ZCWPW2: variants seen among roughly 807,000 people sequenced by gnomAD.
ZCWPW2 encodes zinc finger CW-type PWWP domain protein 2.
Under a neutral mutation model 46.6 loss-of-function variants are expected in ZCWPW2, and 45 were observed. The observed-to-expected ratio is 0.96, with a 90% confidence interval of 0.76 to 1.24. The LOEUF is 1.24. ZCWPW2 is among the 50% of genes most tolerant of loss of function. ZCWPW2 has a pLI of 0.00. For synonymous variants in ZCWPW2, 152 were observed against 137.1 expected (o/e 1.11, Z -0.76); for missense variants, 429 against 403.9 (o/e 1.06, Z -0.53).
chr3:28,516,028 G>A (rs1700557673), intron 8 of ZCWPW2, among the ~76,000 whole-genome samples: 1 of 151,758 alleles, frequency 6.6e-6, no homozygotes, highest in Non-Finnish European at 1.5e-5. Context: ...ATGACTTGAG[G>A]TCAGGAGTTC....
intron 4 of ZCWPW2, chr3:28,461,032 TG>T (rs1027097725): frequency 2.8e-5 from 7 of 254,182 alleles, no homozygotes; most frequent in Non-Finnish European, 5.4e-5. Flanking sequence ...TTTAAAGTAA[TG>T]ATCAATATTT....
rs552280804 is a variant in ZCWPW2 at position 28,472,489 on chromosome 3, A to G, written c.493-6325A>G. On this transcript the variant is annotated intron_variant, in intron 4 of 9. Coordinates refer to ENST00000383768, the MANE Select transcript of ZCWPW2 (RefSeq NM_001040432.4). ...TACATTAGGAAAAGGACAGTCTACA[A>G]TAAATGTTGCTGAGAAAACTGGATA... Among the ~76,000 whole-genome samples, 7 of 152,310 alleles carry G rather than the reference A, an allele frequency of 4.6e-5. No homozygotes were observed. The South Asian group carries it at 1.4e-3, about 32-fold the overall frequency.
intron 6 of ZCWPW2, among the ~76,000 whole-genome samples, chr3:28,507,461 G>T (rs965729928): frequency 1.3e-5 from 2 of 151,358 alleles, no homozygotes; most frequent in Admixed American, 6.6e-5. Flanking sequence ...CTTTGGAGAT[G>T]GTGGTCAGTG....
At chr3:28,467,167 T>G (rs541858145) in intron 4 of ZCWPW2, among the ~76,000 whole-genome samples, 1 of 152,262 alleles carries the variant, frequency 6.6e-6, no homozygotes, top group African/African-American at 2.4e-5. Context: ...AAAAGTTGTA[T>G]TGTTTAATAA....
chr3:28,481,900 C>T lies in ZCWPW2; in HGVS notation c.610+2969C>T, dbSNP rs62250299. ...AGTACAGAGAGTTCCCATATATCTCCTCCTCACAATCCCTAAACACACAAC... is the reference window on the plus strand; with the variant it reads ...AGTACAGAGAGTTCCCATATATCTCTTCCTCACAATCCCTAAACACACAAC... On this transcript the variant is annotated intron_variant, in intron 5 of 9. Coordinates refer to ENST00000383768, the MANE Select transcript of ZCWPW2 (RefSeq NM_001040432.4). Among the ~76,000 whole-genome samples, 593 of 152,212 alleles carry T rather than the reference C, an allele frequency of 3.9e-3. 4 individuals are homozygous for T. The highest frequency in any genetic ancestry group is 6.9e-3 in the Non-Finnish European group (467 of 68,010).
At chr3:28,475,767 C>T (rs1446656740) in intron 4 of ZCWPW2, among the ~76,000 whole-genome samples, 1 of 152,102 alleles carries the variant, frequency 6.6e-6, no homozygotes, top group African/African-American at 2.4e-5. Flanking sequence ...TGGCTAACTT[C>T]CTGCCCTCCT....
At chr3:28,469,735 G>A (rs1321573259) in intron 4 of ZCWPW2, among the ~76,000 whole-genome samples, 1 of 150,712 alleles carries the variant, frequency 6.6e-6, no homozygotes, top group Non-Finnish European at 1.5e-5. Context: ...ATATATATAT[G>A]TATATATATA....
intron 2 of ZCWPW2, among the ~76,000 whole-genome samples, chr3:28,403,290 CT>C (rs1177319873): frequency 1.3e-5 from 2 of 152,110 alleles, no homozygotes; most frequent in East Asian, 3.9e-4. Flanking sequence ...AACTCAACCC[CT>C]TTCACAATAG....
intron 4 of ZCWPW2, 76 bp from the exon 5 acceptor site, chr3:28,478,738 C>T: frequency 1.5e-6 from 1 of 647,172 alleles, no homozygotes. Context: ...GATTTTGTTC[C>T]AGCTTAATAA....
At chr3:28,428,591 T>C (rs1217168866) in intron 3 of ZCWPW2, 1 of 152,236 alleles carries the variant, frequency 6.6e-6, no homozygotes, top group Non-Finnish European at 1.5e-5. Context: ...ATTGTTCTGT[T>C]AATTATGATC....
At chr3:28,351,399 C>T (rs188064247) in intron 1 of ZCWPW2, among the ~76,000 whole-genome samples, 51 of 151,582 alleles carry the variant, frequency 3.4e-4, no homozygotes, top group African/African-American at 1.0e-3. Context: ...CCCTTTTTCA[C>T]TGAATTAGCT....
chr3:28,483,888 C>T (rs1224057899), intron 5 of ZCWPW2, among the ~76,000 whole-genome samples: 1 of 151,994 alleles, frequency 6.6e-6, no homozygotes, highest in Non-Finnish European at 1.5e-5. Flanking sequence ...TTGGTCTATT[C>T]TTTTGGATTT....
chr3:28,485,430 C>G (rs531852197), intron 5 of ZCWPW2, among the ~76,000 whole-genome samples: 6 of 152,172 alleles, frequency 3.9e-5, no homozygotes, highest in African/African-American at 1.4e-4. Flanking sequence ...ATTGATGGTG[C>G]TTTTGAGTGC....
intron 1 of ZCWPW2, among the ~76,000 whole-genome samples, chr3:28,368,242 G>A (rs547600429): frequency 1.3e-4 from 20 of 152,192 alleles, no homozygotes; most frequent in African/African-American, 3.9e-4. Flanking sequence ...TCCTAGCCTC[G>A]ATGGTCTTTA....
At chr3:28,455,189 A>C (rs56199335) in intron 4 of ZCWPW2, among the ~76,000 whole-genome samples, 3,758 of 152,226 alleles carry the variant, frequency 0.025, 146 homozygotes, top group African/African-American at 0.084. Context: ...GACTGGTGTG[A>C]GATGGTCCCT....
chr3:28,358,629 T>A (rs1453897672), intron 1 of ZCWPW2, among the ~76,000 whole-genome samples: 2 of 152,168 alleles, frequency 1.3e-5, no homozygotes, highest in Non-Finnish European at 2.9e-5. Flanking sequence ...TTATTTGGAA[T>A]ATGTACCAAT....
chr3:28,414,219 T>C (rs1170114164), intron 3 of ZCWPW2, among the ~76,000 whole-genome samples: 2 of 151,834 alleles, frequency 1.3e-5, no homozygotes, highest in African/African-American at 4.8e-5. Flanking sequence ...AATTTAATTT[T>C]TTTTCTTTTT....
At chr3:28,498,688 T>C (rs946106416) in intron 6 of ZCWPW2, among the ~76,000 whole-genome samples, 7 of 151,882 alleles carry the variant, frequency 4.6e-5, no homozygotes, top group Admixed American at 1.3e-4. Flanking sequence ...CTATGATACA[T>C]GTGCAGAACG....
chr3:28,393,087 G>A lies in ZCWPW2; in HGVS notation c.-14+2470G>A, dbSNP rs182879617. Among the ~76,000 whole-genome samples, 387 of 151,692 alleles carry A rather than the reference G, an allele frequency of 2.6e-3. 1 individual carries two copies. Among genetic ancestry groups the A allele is most frequent in the African/African-American group, 8.5e-3 (351 of 41,436 alleles). The stretch of plus-strand genomic sequence containing the variant: ...ACTAAGAAAAAGGAGAGAGAAGACT[G>A]AAATAAAATAAGAAATGAAAAAGGA... On this transcript the variant is annotated intron_variant, in intron 2 of 9. Transcript: ENST00000383768.
Sources: gnomAD v4.1 joint callset for allele counts (sites outside exome capture counted in the v4.1 genomes callset) on GRCh38, gnomAD v4.1.1 for gene constraint, MANE v1.5 for transcripts, NCBI Gene and HGNC (gene_info 2026-07-23, HGNC 2026-07-21) for gene names.